FANCA: variants seen among roughly 807,000 people sequenced by gnomAD.
FANCA encodes Fanconi anemia group A protein.
A neutral mutation model predicts 194.3 loss-of-function variants in FANCA; 236 were observed. That is an observed-to-expected ratio of 1.21 (90% confidence interval 1.09 to 1.35). The LOEUF (loss-of-function observed/expected upper bound fraction) is 1.35, where lower values mean the gene tolerates loss of function less well. Ranked by LOEUF, FANCA falls within the 40% of genes most tolerant of loss-of-function variation. The pLI is 0.00. For synonymous variants in FANCA, 1,014 were observed against 715.8 expected (o/e 1.42, Z -6.65); for missense variants, 2,628 against 1,813.9 (o/e 1.45, Z -8.15).
intron 8 of FANCA, among the ~76,000 whole-genome samples, chr16:89,800,894 G>A (rs890473520): frequency 2.0e-5 from 3 of 151,940 alleles, no homozygotes; most frequent in Admixed American, 2.0e-4. Context: ...TTAGCTAGGT[G>A]CGGTGGCGGG....
Position 89,783,106 on chromosome 16 carries a change from A to C in FANCA, c.1471-4T>G. On this transcript the variant is annotated splice_region_variant and splice_polypyrimidine_tract_variant and intron_variant, in intron 15 of 42. Transcript: ENST00000389301. ...GGGGTGGGTGGAGAATGTGCACCTG[A>C]GGATAGATAGCAGAGCGCAGCACCG... 1 of 1,606,996 alleles carries C rather than the reference A, an allele frequency of 6.2e-7. No individual in the cohort carries two copies. The highest frequency in any genetic ancestry group is 8.5e-7 in the Non-Finnish European group (1 of 1,173,914).
At chr16:89,741,294 G>C (rs1347079796) in intron 37 of FANCA, among the ~76,000 whole-genome samples, 1 of 152,192 alleles carries the variant, frequency 6.6e-6, no homozygotes, top group Non-Finnish European at 1.5e-5. Flanking sequence ...CTGCACACTA[G>C]GGTCCTAAGG....
Position 89,785,853 on chromosome 16 carries a change from G to GTTTTTTTTT in FANCA, c.1360-890_1360-889insAAAAAAAAA, listed in dbSNP as rs370594051. 2.7e-5 allele frequency among the ~76,000 whole-genome samples: 3 copies of GTTTTTTTTT among 113,166 alleles called. 1 individual carries two copies. The highest frequency in any genetic ancestry group is 5.1e-5 in the Non-Finnish European group (3 of 58,696). 74.2% of individuals were successfully genotyped at this position (113,166 alleles called of 152,430 possible). ...TCTTTCTGAAAGCGTGCAAAATTGT[G>GTTTTTTTTT]TTTTGTTTTTTTTTTTTTGGAGACA... is the stretch of plus-strand genomic sequence containing the variant. On this transcript the variant is annotated intron_variant, in intron 14 of 42. Coordinates refer to ENST00000389301, the MANE Select transcript of FANCA (RefSeq NM_000135.4).
intron 15 of FANCA, among the ~76,000 whole-genome samples, chr16:89,783,324 G>A (rs2039785435): frequency 6.6e-6 from 1 of 152,004 alleles, no homozygotes; most frequent in Non-Finnish European, 1.5e-5. Flanking sequence ...GCTGAGGCGG[G>A]CAGATCACGA....
intron 11 of FANCA, among the ~76,000 whole-genome samples, chr16:89,794,478 G>A (rs1309424959): frequency 6.6e-6 from 1 of 152,140 alleles, no homozygotes; most frequent in Admixed American, 6.6e-5. Context: ...AGAGGTTGCA[G>A]TGAGCTGAGA....
intron 30 of FANCA, among the ~76,000 whole-genome samples, chr16:89,752,716 C>G (rs1380430458): frequency 3.3e-5 from 5 of 152,212 alleles, no homozygotes; most frequent in Non-Finnish European, 5.9e-5. Context: ...GACCAGAAGA[C>G]AAGAGTGCGA....
At chr16:89,811,879 C>T (rs749258478) in intron 3 of FANCA, among the ~76,000 whole-genome samples, 2 of 151,920 alleles carry the variant, frequency 1.3e-5, no homozygotes, top group Non-Finnish European at 2.9e-5. Context: ...TACAGGCACG[C>T]GTCACTACGC....
At chr16:89,804,749 G>C (rs1011386689) in intron 7 of FANCA, among the ~76,000 whole-genome samples, 1 of 152,042 alleles carries the variant, frequency 6.6e-6, no homozygotes, top group Non-Finnish European at 1.5e-5. Context: ...CATTCCTCAG[G>C]AAGGCCAGGC....
At position 89,770,500 on chromosome 16, in the gene FANCA, T is replaced by C. The variant is rs17233022; in HGVS notation, c.2222+64A>G. 865 of 1,462,322 alleles carry C rather than the reference T, an allele frequency of 5.9e-4. 4 individuals carry two copies. In the African/African-American group the frequency reaches 0.011, roughly 19 times the overall value. 90.6% of individuals were successfully genotyped at this position (1,462,322 alleles called of 1,614,324 possible). A position where few individuals can be genotyped will look rare whatever the true frequency, so the allele number is the denominator to read the frequency against. On this transcript the variant is annotated intron_variant, in intron 24 of 42. Transcript: ENST00000389301. ...GCTCATGAGTCCCTGGTCTGCAGAC[T>C]TGGCCCAGCAAGAGGTGGCACCCAG...
intron 29 of FANCA, among the ~76,000 whole-genome samples, chr16:89,759,562 A>G (rs3819568): frequency 0.41 from 61,991 of 151,518 alleles, 13,927 homozygotes; most frequent in East Asian, 0.75. Context: ...GGAGTCTGAC[A>G]TCAGCCTGAG....
intron 31 of FANCA, among the ~76,000 whole-genome samples, chr16:89,751,422 T>G (rs2038586170): frequency 2.0e-5 from 3 of 152,144 alleles, no homozygotes; most frequent in African/African-American, 7.2e-5. Context: ...CAGAGAGATA[T>G]GATCGCACCA....
At chr16:89,796,878 G>C (rs555955913) in intron 10 of FANCA, among the ~76,000 whole-genome samples, 1 of 152,082 alleles carries the variant, frequency 6.6e-6, no homozygotes, top group African/African-American at 2.4e-5. Context: ...AAAATATTAG[G>C]CCAGGCGCAT....
chr16:89,753,326 C>T (rs527493309), intron 30 of FANCA, among the ~76,000 whole-genome samples: 9 of 152,264 alleles, frequency 5.9e-5, no homozygotes, highest in South Asian at 2.1e-4. Flanking sequence ...TACCGGTCTC[C>T]GCGCATTGGT....
At chr16:89,805,923 T>C (rs1228549189) in intron 6 of FANCA, among the ~76,000 whole-genome samples, 1 of 152,156 alleles carries the variant, frequency 6.6e-6, no homozygotes, top group East Asian at 1.9e-4. Flanking sequence ...AACCTTTTTT[T>C]TTTCTCTTGA....
rs2040171908 is a variant in FANCA at position 89,794,321 on chromosome 16, G to A, written c.1006+1585C>T. On this transcript the variant is annotated intron_variant, in intron 11 of 42. Coordinates refer to ENST00000389301, the MANE Select transcript of FANCA (RefSeq NM_000135.4). Reference sequence around the variant, plus strand: ...AATCCCACCACTTTGGGAGGCCGAAGTGGGTGGATCACAAGGTCAGGAGTT... The same window carrying A: ...AATCCCACCACTTTGGGAGGCCGAAATGGGTGGATCACAAGGTCAGGAGTT... Among the ~76,000 whole-genome samples the A allele has an allele frequency of 1.3e-5, 2 of 152,084 alleles. 1 individual carries two copies. The highest frequency in any genetic ancestry group is 1.3e-4 in the Admixed American group (2 of 15,264).
chr16:89,774,809 A>AGGG (rs2039445710), intron 21 of FANCA, among the ~76,000 whole-genome samples: 1 of 148,868 alleles, frequency 6.7e-6, no homozygotes, highest in Non-Finnish European at 1.5e-5. Context: ...AGAGCACACA[A>AGGG]GGGGCTGGGT....
At chr16:89,750,738 A>G (rs564612823) in intron 31 of FANCA, among the ~76,000 whole-genome samples, 2 of 152,260 alleles carry the variant, frequency 1.3e-5, no homozygotes, top group East Asian at 1.9e-4. Flanking sequence ...CCGCCACTGC[A>G]CTCCAGAGCA....
rs1181195183 is a variant in FANCA, at chr16:89,739,120, C to T, written c.4167+13G>A. 1 of 1,614,102 alleles carries T rather than the reference C, an allele frequency of 6.2e-7. No individual in the cohort carries two copies. The stretch of plus-strand genomic sequence containing the variant: ...GGAGCTCCCCTGGAGGTGGGACTGG[C>T]CCTTGCACCTGCCTGACCCTTGAGC... On this transcript the variant is annotated intron_variant, in intron 41 of 42. Coordinates refer to ENST00000389301, the MANE Select transcript of FANCA (RefSeq NM_000135.4).
At chr16:89,769,558 G>C (rs923974331) in intron 26 of FANCA, 44 of 465,500 alleles carry the variant, frequency 9.5e-5, no homozygotes, top group Non-Finnish European at 1.6e-4. Context: ...CTCTCACCAG[G>C]ACATCAAAGA....
Sources: allele counts gnomAD v4.1 joint callset (sites outside exome capture counted in the v4.1 genomes callset), GRCh38; gene constraint gnomAD v4.1.1; transcripts MANE v1.5; gene names NCBI Gene and HGNC (gene_info 2026-07-23, HGNC 2026-07-21).